FYB2: variants seen among roughly 807,000 people sequenced by gnomAD.
FYB2 encodes the protein FYN binding protein 2.
FYB2 carries 103 observed loss-of-function variants against 94.1 expected under a neutral mutation model. That is an observed-to-expected ratio of 1.09 (90% CI 0.93 to 1.29). The LOEUF (loss-of-function observed/expected upper bound fraction) is 1.29. Among genes scored for constraint, FYB2 ranks in the 50% most tolerant of loss-of-function variants. FYB2 has a pLI of 0.00. For synonymous variants in FYB2, 293 were observed against 287.9 expected, an observed-to-expected ratio of 1.02 and a Z score of -0.18; for missense variants, 896 against 841.5, an observed-to-expected ratio of 1.06 and a Z score of -0.80.
chr1:56,726,172 T>C (rs1238856650), intron 16 of FYB2, among the ~76,000 whole-genome samples: 2 of 152,084 alleles, frequency 1.3e-5, no homozygotes, highest in African/African-American at 4.8e-5. Flanking sequence ...ATTTACATTA[T>C]ATCTTAGAGA....
chr1:56,791,987 C>A, intron 2 of FYB2, 69 bp downstream of exon 2: 1 of 1,508,366 alleles, frequency 6.6e-7, no homozygotes, highest in Non-Finnish European at 8.8e-7. Context: ...TCTGAATCAA[C>A]AGGTTTTCAA....
intron 1 of FYB2, 32 bp from the exon 2 acceptor site, chr1:56,792,835 A>G (rs900093064): frequency 1.3e-6 from 2 of 1,547,560 alleles, no homozygotes; most frequent in African/African-American, 1.4e-5. Flanking sequence ...CAAACAAACA[A>G]AAACAAAAAC....
At chr1:56,730,946 T>A (rs568775850) in intron 15 of FYB2, among the ~76,000 whole-genome samples, 5 of 152,108 alleles carry the variant, frequency 3.3e-5, no homozygotes, top group Non-Finnish European at 7.4e-5. Flanking sequence ...TGATGTAGTG[T>A]GATATATCCC....
Position 56,720,305 on chromosome 1 carries a change from T to G in FYB2, c.1999A>C (p.Asn667His). Residue 667 changes from asparagine to histidine, a missense_variant, in exon 18 of 20, where the codon AAT becomes CAT. By Grantham distance (68) the Asn-to-His change is moderately conservative. Transcript: ENST00000343433. ...TTATTGGAACAGGCCACTGCTGTAT[T>G]GATGACAATAATCTCTTTGTCGTAC... ...FKYDKEIIVI[N>H]TAVACSNNSR... The G allele has an allele frequency of 6.2e-7, 1 of 1,606,500 alleles. No individual in the cohort carries two copies. The highest frequency in any genetic ancestry group is 1.1e-5 in the South Asian group (1 of 89,070).
At chr1:56,814,200 G>T (rs529519612) in intron 1 of FYB2, among the ~76,000 whole-genome samples, 1 of 152,206 alleles carries the variant, frequency 6.6e-6, no homozygotes, top group East Asian at 1.9e-4. Flanking sequence ...TGAGGGATGT[G>T]GTGCGGGTGA....
Position 56,792,244 on chromosome 1 carries a change from C to G in FYB2, c.569G>C (p.Gly190Ala). Residue 190 changes from glycine (G) to alanine (A), a missense_variant, in exon 2 of 20, where the codon GGA becomes GCA. Physicochemically the swap from Gly to Ala is moderately conservative, Grantham distance 60. Coordinates refer to ENST00000343433, the MANE Select transcript of FYB2 (RefSeq NM_001004303.5). ...CTTCTGGGAAGGAAGAGTCTGGGCT[C>G]CTTTTGTTTCCAGCTTTTTCCTGGG... ...EEPRKKLETK[G>A]AQTLPSQKHV... 6.2e-7 allele frequency: 1 copy of G among 1,612,418 alleles called. No homozygotes were observed. The highest frequency in any genetic ancestry group is 8.5e-7 in the Non-Finnish European group (1 of 1,179,602).
chr1:56,750,047 G>A (rs1005984119), intron 9 of FYB2, among the ~76,000 whole-genome samples: 1 of 151,862 alleles, frequency 6.6e-6, no homozygotes, highest in Non-Finnish European at 1.5e-5. Context: ...GGTTTCTCCT[G>A]TGTGCTCGAT....
At chr1:56,757,082 T>G (rs1645351337) in intron 6 of FYB2, among the ~76,000 whole-genome samples, 1 of 152,032 alleles carries the variant, frequency 6.6e-6, no homozygotes, top group African/African-American at 2.4e-5. Context: ...AATACAGAGA[T>G]AAACACAAAA....
chr1:56,783,927 A>C (rs988347658), intron 4 of FYB2, among the ~76,000 whole-genome samples: 1 of 152,144 alleles, frequency 6.6e-6, no homozygotes, highest in Admixed American at 6.6e-5. Context: ...GAGGTTACAT[A>C]ACAGCTAAGC....
chr1:56,745,491 C>T (rs140492616), intron 9 of FYB2, among the ~76,000 whole-genome samples: 3 of 151,878 alleles, frequency 2.0e-5, no homozygotes, highest in African/African-American at 4.8e-5. Flanking sequence ...CGATTCATTT[C>T]TCTCTCATTT....
chr1:56,779,731 G>C (rs1445840958), intron 4 of FYB2, among the ~76,000 whole-genome samples: 1 of 152,024 alleles, frequency 6.6e-6, no homozygotes, highest in African/African-American at 2.4e-5. Flanking sequence ...CATGCCCACT[G>C]TTTACTAGGT....
chr1:56,787,560 G>C (rs1249328068), intron 3 of FYB2, among the ~76,000 whole-genome samples: 2 of 152,168 alleles, frequency 1.3e-5, no homozygotes, highest in Admixed American at 1.3e-4. Context: ...AAATAAACTT[G>C]GACATTTACA....
intron 1 of FYB2, among the ~76,000 whole-genome samples, chr1:56,802,839 C>T (rs373010915): frequency 6.6e-6 from 1 of 152,104 alleles, no homozygotes; most frequent in Non-Finnish European, 1.5e-5. Context: ...CCTTTCTGTC[C>T]ATCCATCACC....
Position 56,792,297 on chromosome 1 carries a change from T to C in FYB2, c.516A>G (p.Gln172=), listed in dbSNP as rs1334159743. ...CCTCTGGAGTAAGCCCCATGCCTTT[T>C]TGCCCTTCCAGATGGATGGCCTTAC... ...YGSKAIHLEG[Q]KGMGLTPEEP... is the part of the protein sequence containing the mutation. The change falls in exon 2 of 20, where the codon CAA becomes CAG. Residue 172 remains glutamine, a synonymous_variant. Coordinates refer to ENST00000343433, the MANE Select transcript of FYB2 (RefSeq NM_001004303.5). 5.6e-6 allele frequency: 9 copies of C among 1,613,994 alleles called. No homozygotes were observed. Among genetic ancestry groups the C allele is most frequent in the Middle Eastern group, 3.3e-4 (2 of 6,076 alleles).
In FYB2 at chr1:56,751,125, T is replaced by C. The variant is rs1645187734; in HGVS notation, c.1306A>G (p.Lys436Glu). 9.3e-6 allele frequency: 15 copies of C among 1,612,928 alleles called. No homozygotes were observed. The highest frequency in any genetic ancestry group is 1.0e-5 in the Non-Finnish European group (12 of 1,179,280). The stretch of plus-strand genomic sequence containing the variant: ...ATGATGTCAATCATGGCCTCTTGCT[T>C]TCCAGCCAACATGTTCCTTCTACCT... The part of the protein sequence containing the change: ...HTGRRNMLAG[K>E]QEAMIDIIQT... The change falls in exon 9 of 20, where the codon AAG becomes GAG. Residue 436 changes from lysine to glutamate, a missense_variant. Coordinates refer to ENST00000343433, the MANE Select transcript of FYB2 (RefSeq NM_001004303.5).
rs549544471 is a variant in FYB2 at position 56,812,633 on chromosome 1, A to G, written c.9+6649T>C. On this transcript the variant is annotated intron_variant, in intron 1 of 19. Transcript: ENST00000343433. Reference sequence around the variant, plus strand: ...AATCTCCCCAGGGGCTTGTTATTTCAGGTTTTACAGATGTGAAAAGCTAAA... The same window carrying G: ...AATCTCCCCAGGGGCTTGTTATTTCGGGTTTTACAGATGTGAAAAGCTAAA... 3.4e-4 allele frequency among the ~76,000 whole-genome samples: 51 copies of G among 152,234 alleles called. 1 individual carries two copies. The highest frequency in any genetic ancestry group is 3.2e-3 in the Admixed American group (49 of 15,304).
At chr1:56,723,479 T>G (rs1053319747) in intron 17 of FYB2, 109 bp downstream of exon 17, 7 of 582,788 alleles carry the variant, frequency 1.2e-5, no homozygotes, top group Non-Finnish European at 2.1e-5. Context: ...TCAAAGATCA[T>G]GTCTGTATCT....
chr1:56,723,866 T>A (rs1473130608), intron 16 of FYB2, among the ~76,000 whole-genome samples, 185 bp from the exon 17 acceptor site: 1 of 151,998 alleles, frequency 6.6e-6, no homozygotes, highest in African/African-American at 2.4e-5. Flanking sequence ...CGTATGTAGG[T>A]TCATAATACA....
chr1:56,726,453 A>C lies in FYB2; in HGVS notation c.1880+44T>G, dbSNP rs857136. The C allele has an allele frequency of 2.7e-4, 418 of 1,547,438 alleles. 4 individuals carry two copies. In the South Asian group the frequency reaches 4.4e-3, roughly 16 times the overall value. ...GCCACACAGCTAGTAAGAGGTATAA[A>C]TTGCAGCAGATAAGCTATAATAGAA... On this transcript the variant is annotated intron_variant, in intron 16 of 19. Coordinates refer to ENST00000343433, the MANE Select transcript of FYB2 (RefSeq NM_001004303.5).
Sources: allele counts gnomAD v4.1 joint callset (sites outside exome capture counted in the v4.1 genomes callset), GRCh38; gene constraint gnomAD v4.1.1; transcripts MANE v1.5; gene names NCBI Gene and HGNC (gene_info 2026-07-23, HGNC 2026-07-21).